ITGA1: variants seen among roughly 807,000 people sequenced by gnomAD.
The protein encoded by ITGA1 is integrin alpha-1.
In ITGA1, 85 loss-of-function variants were observed where a neutral mutation model predicts 145.9. The observed-to-expected ratio is 0.58, with a 90% CI of 0.49 to 0.70. ITGA1 has a LOEUF of 0.70. ITGA1 is among the 30% of genes least tolerant of loss of function. The pLI is 0.00. For missense variants in ITGA1, 1,351 were observed against 1,418.7 expected (o/e 0.95, Z 0.77); for synonymous variants, 520 against 495.3 (o/e 1.05, Z -0.66).
intron 1 of ITGA1, among the ~76,000 whole-genome samples, chr5:52,832,131 T>C (rs140692610): frequency 4.2e-4 from 64 of 152,222 alleles, no homozygotes; most frequent in Non-Finnish European, 7.4e-4. Flanking sequence ...TAGGCCACAC[T>C]ATAACCCTGC....
intron 7 of ITGA1, among the ~76,000 whole-genome samples, chr5:52,885,120 G>A (rs1475482596): frequency 6.6e-6 from 1 of 152,120 alleles, no homozygotes; most frequent in African/African-American, 2.4e-5. Context: ...AGCTATGAGG[G>A]AAAGGTGTCA....
chr5:52,897,401 A>G (rs1420422570), intron 9 of ITGA1, 54 bp from the exon 10 acceptor site: 1 of 1,154,464 alleles, frequency 8.7e-7, no homozygotes, highest in Middle Eastern at 2.0e-4. Flanking sequence ...GCAAGTCAGT[A>G]GTGCATGAAA....
chr5:52,918,659 C>T (rs1750685521), intron 15 of ITGA1, 73 bp from the exon 16 acceptor site: 2 of 1,486,010 alleles, frequency 1.3e-6, no homozygotes, highest in African/African-American at 2.8e-5. Flanking sequence ...CATGCACTCA[C>T]TTTGCACTCC....
intron 23 of ITGA1, 140 bp from the exon 24 acceptor site, chr5:52,937,261 A>G (rs1266514265): frequency 7.7e-6 from 5 of 645,450 alleles, no homozygotes; most frequent in Non-Finnish European, 1.4e-5. Context: ...TCTGTACAGC[A>G]CCATAAAGGA....
Position 52,898,397 on chromosome 5 carries a change from A to G in ITGA1, c.1309+14A>G. 6.4e-7 allele frequency: 1 copy of G among 1,571,858 alleles called. No homozygotes were observed. The highest frequency in any genetic ancestry group is 8.6e-7 in the Non-Finnish European group (1 of 1,161,568). On this transcript the variant is annotated intron_variant, in intron 11 of 28. Transcript: ENST00000282588. The stretch of plus-strand genomic sequence containing the variant: ...CTTCTTATTTAGGTAAGGTTTGGAT[A>G]TAATTATAAAAGAGTTGTTTTACTT...
chr5:52,811,716 G>A (rs1378830422), intron 1 of ITGA1, among the ~76,000 whole-genome samples: 2 of 152,114 alleles, frequency 1.3e-5, no homozygotes, highest in African/African-American at 2.4e-5. Flanking sequence ...TTAATAGTTT[G>A]CCACATTTCA....
intron 7 of ITGA1, among the ~76,000 whole-genome samples, chr5:52,885,959 T>C (rs1240947524): frequency 6.6e-6 from 1 of 152,230 alleles, no homozygotes; most frequent in African/African-American, 2.4e-5. Flanking sequence ...TAATTGCCTA[T>C]AAATTCAATT....
intron 9 of ITGA1, among the ~76,000 whole-genome samples, chr5:52,897,085 C>G (rs1249867366): frequency 6.6e-6 from 1 of 151,998 alleles, no homozygotes; most frequent in Non-Finnish European, 1.5e-5. Flanking sequence ...CAGCAGGGTT[C>G]CCAAGGCATG....
At chr5:52,926,419 G>A (rs910973054) in intron 19 of ITGA1, among the ~76,000 whole-genome samples, 4 of 151,914 alleles carry the variant, frequency 2.6e-5, no homozygotes, top group African/African-American at 7.2e-5. Flanking sequence ...AGGCTAACAC[G>A]GTGAAACCCC....
chr5:52,937,093 G>A lies in ITGA1; in HGVS notation c.2965-308G>A, dbSNP rs189712325. Among the ~76,000 whole-genome samples the A allele has an allele frequency of 4.6e-5, 7 of 150,774 alleles. No homozygotes were observed. The South Asian group carries it at 8.4e-4, about 18-fold the overall frequency. On this transcript the variant is annotated intron_variant, in intron 23 of 28. Coordinates refer to ENST00000282588, the MANE Select transcript of ITGA1 (RefSeq NM_181501.2). ...AAAAAGAAAAGAATGAGCATGGCAA[G>A]AACATAATAACAGACAAAAACTTCC...
At chr5:52,834,977 A>G (rs1333652621) in intron 1 of ITGA1, among the ~76,000 whole-genome samples, 1 of 152,156 alleles carries the variant, frequency 6.6e-6, no homozygotes, top group Non-Finnish European at 1.5e-5. Context: ...AAGGTAGAAG[A>G]AGGATAAAAG....
intron 28 of ITGA1, among the ~76,000 whole-genome samples, chr5:52,950,759 A>G (rs780516537): frequency 1.3e-5 from 2 of 152,238 alleles, no homozygotes; most frequent in Non-Finnish European, 2.9e-5. Flanking sequence ...GCCAAGGAGC[A>G]TTGTAAAGAA....
chr5:52,897,526 C>A lies in ITGA1; in HGVS notation c.1162C>A (p.Gln388Lys). Residue 388 changes from glutamine (Q) to lysine (K), a missense_variant and splice_region_variant, in exon 10 of 29, where the codon CAG (glutamine) becomes AAG (lysine). Transcript: ENST00000282588. ...GACTGGCTTCAGTGCTCATTATTCA[C>A]AGGTATGTTGACCAGTTGGTGAAAA... The part of the protein sequence containing the change: ...SQTGFSAHYS[Q>K]DWVMLGAVGA... 1 of 1,611,332 alleles carries A rather than the reference C, an allele frequency of 6.2e-7. No individual in the cohort carries two copies. Among genetic ancestry groups the A allele is most frequent in the Admixed American group, 1.7e-5 (1 of 59,944 alleles).
At chr5:52,932,248 A>T (rs1486130637) in intron 22 of ITGA1, 112 bp downstream of exon 22, 1 of 645,668 alleles carries the variant, frequency 1.5e-6, no homozygotes, top group Non-Finnish European at 2.7e-6. Context: ...CTTGTTAGGC[A>T]AATTCTCTGG....
rs1406320875 is a variant in ITGA1 at position 52,881,919 on chromosome 5, T to C, written c.671T>C (p.Leu224Pro). 6.2e-7 allele frequency: 1 copy of C among 1,613,780 alleles called. No homozygotes were observed. The highest frequency in any genetic ancestry group is 8.5e-7 in the Non-Finnish European group (1 of 1,179,852). ...GAAAACGTGACCCATGAGTTCAACC[T>C]CAATAAGTATTCTTCCACCGAAGAG... Reference protein sequence around the residue: ...YGENVTHEFNLNKYSSTEEVL... With the variant: ...YGENVTHEFNPNKYSSTEEVL... Residue 224 changes from leucine (L) to proline (P), a missense_variant, in exon 7 of 29, where the codon CTC becomes CCC. Coordinates refer to ENST00000282588, the MANE Select transcript of ITGA1 (RefSeq NM_181501.2).
intron 22 of ITGA1, chr5:52,933,534 A>C (rs973467238): frequency 6.6e-6 from 1 of 152,256 alleles, no homozygotes; most frequent in Non-Finnish European, 1.5e-5. Context: ...AATGGTAAAA[A>C]TTTTTAATCT....
chr5:52,841,940 G>T (rs1199218225), intron 1 of ITGA1, among the ~76,000 whole-genome samples: 1 of 152,084 alleles, frequency 6.6e-6, no homozygotes, highest in African/African-American at 2.4e-5. Context: ...CTCAGGCTTG[G>T]GGAAGAGAGG....
chr5:52,849,075 T>A (rs1749384674), intron 1 of ITGA1, among the ~76,000 whole-genome samples: 1 of 152,174 alleles, frequency 6.6e-6, no homozygotes. Context: ...TGATTTATAA[T>A]CCTTTGCATA....
intron 23 of ITGA1, among the ~76,000 whole-genome samples, chr5:52,936,845 A>G (rs1323908364): frequency 6.6e-6 from 1 of 152,160 alleles, no homozygotes; most frequent in Non-Finnish European, 1.5e-5. Flanking sequence ...AGCCAGTGTC[A>G]CGGTAGCCCT....
Sources: allele counts gnomAD v4.1 joint callset (sites outside exome capture counted in the v4.1 genomes callset), GRCh38; gene constraint gnomAD v4.1.1; transcripts MANE v1.5; gene names NCBI Gene and HGNC (gene_info 2026-07-23, HGNC 2026-07-21).